IL1RAPL2: variants seen among roughly 807,000 people sequenced by gnomAD.
The protein encoded by IL1RAPL2 is X-linked interleukin-1 receptor accessory protein-like 2.
Under a neutral mutation model 44.1 loss-of-function variants are expected in IL1RAPL2, and 3 were observed. That is an observed-to-expected ratio of 0.07 (90% CI 0.03 to 0.18). The LOEUF (loss-of-function observed/expected upper bound fraction) is 0.18, where lower values mean the gene tolerates loss of function less well. Ranked by LOEUF, IL1RAPL2 falls within the 10% of genes least tolerant of loss-of-function variation. The pLI is 1.00. For synonymous variants in IL1RAPL2, 181 were observed against 178.8 expected (o/e 1.01, Z -0.10); for missense variants, 391 against 496.4 (o/e 0.79, Z 2.02).
chrX:105,291,211 A>G (rs1363433029), intron 5 of IL1RAPL2, among the ~76,000 whole-genome samples: 1 of 112,283 alleles, frequency 8.9e-6, no homozygotes, highest in Non-Finnish European at 1.9e-5. Flanking sequence ...AAAATATTAC[A>G]GGACAGATAT....
intron 8 of IL1RAPL2, among the ~76,000 whole-genome samples, chrX:105,748,247 GC>G (rs952469209): frequency 2.7e-5 from 3 of 112,086 alleles, no homozygotes; most frequent in Non-Finnish European, 5.6e-5. Flanking sequence ...TTCTAGGGAT[GC>G]CCCCCTGGAG....
At chrX:105,051,108 C>G (rs1472728459) in intron 2 of IL1RAPL2, among the ~76,000 whole-genome samples, 1 of 112,570 alleles carries the variant, frequency 8.9e-6, no homozygotes, top group African/African-American at 3.2e-5. Flanking sequence ...AGCCTTCAGG[C>G]CCTCCCTGGC....
intron 5 of IL1RAPL2, among the ~76,000 whole-genome samples, chrX:105,269,613 T>C (rs1257031063): frequency 9.0e-6 from 1 of 111,549 alleles, no homozygotes; most frequent in Non-Finnish European, 1.9e-5. Flanking sequence ...TAGTTTCTGA[T>C]TTCTTCAACA....
chrX:104,672,265 G>A (rs1363479111), intron 2 of IL1RAPL2, among the ~76,000 whole-genome samples: 1 of 109,695 alleles, frequency 9.1e-6, no homozygotes, highest in African/African-American at 3.3e-5. Flanking sequence ...ACCCATAACA[G>A]TCCCCAGAGT....
chrX:105,342,224 G>A (rs756762193), intron 5 of IL1RAPL2, among the ~76,000 whole-genome samples: 27 of 108,626 alleles, frequency 2.5e-4, no homozygotes, highest in African/African-American at 8.7e-4. Context: ...ATGAGTTAAT[G>A]GGTACAGCAC....
intron 2 of IL1RAPL2, among the ~76,000 whole-genome samples, chrX:104,842,391 C>G (rs1007167226): frequency 3.6e-5 from 4 of 110,936 alleles, no homozygotes; most frequent in Non-Finnish European, 7.5e-5. Context: ...CTACTTCTGT[C>G]AATTCGTCAA....
At chrX:105,318,493 C>G (rs894181830) in intron 5 of IL1RAPL2, among the ~76,000 whole-genome samples, 10 of 110,972 alleles carry the variant, frequency 9.0e-5, no homozygotes, top group Admixed American at 2.9e-4. Flanking sequence ...AGCTAGCTCT[C>G]AGAGAAAAAT....
At position 105,594,821 on chromosome X, in the gene IL1RAPL2, G is replaced by A. The variant is rs764925043; in HGVS notation, c.772+110434G>A. Among the ~76,000 whole-genome samples, 6 of 111,052 alleles carry A rather than the reference G, an allele frequency of 5.4e-5. 1 individual carries two copies. The highest frequency in any genetic ancestry group is 1.9e-4 in the Admixed American group (2 of 10,374). On this transcript the variant is annotated intron_variant, in intron 6 of 10. Transcript: ENST00000372582. ...GTATCACACATTTTCACTTATAAATGGGAACTAAGCATTGGGTACACATGG... is the reference window on the plus strand; with the variant it reads ...GTATCACACATTTTCACTTATAAATAGGAACTAAGCATTGGGTACACATGG...
chrX:104,977,456 C>T (rs1259543495), intron 2 of IL1RAPL2, among the ~76,000 whole-genome samples: 1 of 111,880 alleles, frequency 8.9e-6, no homozygotes, highest in Admixed American at 9.5e-5. Context: ...CTTTTGGTTG[C>T]CATCTCACCA....
chrX:105,110,852 G>A (rs778747125), intron 2 of IL1RAPL2, among the ~76,000 whole-genome samples: 21 of 111,247 alleles, frequency 1.9e-4, no homozygotes, highest in Non-Finnish European at 2.1e-4. Flanking sequence ...CAGGAGAACC[G>A]CTTGAACCCA....
At chrX:104,883,592 T>G (rs937063332) in intron 2 of IL1RAPL2, among the ~76,000 whole-genome samples, 4 of 111,539 alleles carry the variant, frequency 3.6e-5, no homozygotes, top group African/African-American at 1.3e-4. Flanking sequence ...CAGACAAACT[T>G]CCTCTTGCCT....
At chrX:105,177,088 A>G (rs904072365) in intron 2 of IL1RAPL2, among the ~76,000 whole-genome samples, 4 of 110,784 alleles carry the variant, frequency 3.6e-5, no homozygotes, top group Admixed American at 9.6e-5. Flanking sequence ...GCTAGGAACC[A>G]GGCCACACAG....
chrX:104,726,912 G>A (rs1176131152), intron 2 of IL1RAPL2, among the ~76,000 whole-genome samples: 1 of 108,492 alleles, frequency 9.2e-6, no homozygotes, highest in Non-Finnish European at 1.9e-5. Flanking sequence ...GTCTTTATAT[G>A]GATTTTCTAT....
chrX:105,748,702 C>T (rs1015748001), intron 8 of IL1RAPL2, among the ~76,000 whole-genome samples: 1 of 112,058 alleles, frequency 8.9e-6, no homozygotes, highest in African/African-American at 3.2e-5. Context: ...ATCTTAGATG[C>T]GTTCAAAACG....
At chrX:105,265,375 G>A (rs111352955) in intron 4 of IL1RAPL2, among the ~76,000 whole-genome samples, 1 of 112,001 alleles carries the variant, frequency 8.9e-6, no homozygotes, top group African/African-American at 3.2e-5. Context: ...ATTGTATGAC[G>A]GCAGTGGCAG....
intron 2 of IL1RAPL2, among the ~76,000 whole-genome samples, chrX:105,008,948 A>C (rs1704238970): frequency 1.8e-5 from 2 of 112,286 alleles, no homozygotes; most frequent in African/African-American, 6.5e-5. Flanking sequence ...GGATATTAGC[A>C]GACACTTCTC....
chrX:104,679,326 G>GGCCTTAAC (rs1215324847), intron 2 of IL1RAPL2, among the ~76,000 whole-genome samples: 2 of 111,172 alleles, frequency 1.8e-5, no homozygotes, highest in Admixed American at 1.9e-4. Flanking sequence ...CACCCTTAGG[G>GGCCTTAAC]GCCTTAACAA....
At chrX:105,550,945 A>G (rs1037139196) in intron 6 of IL1RAPL2, among the ~76,000 whole-genome samples, 1 of 111,694 alleles carries the variant, frequency 9.0e-6, no homozygotes, top group African/African-American at 3.3e-5. Context: ...CTCATACTAC[A>G]TTTCCATACA....
At chrX:104,851,534 C>T (rs923152330) in intron 2 of IL1RAPL2, among the ~76,000 whole-genome samples, 2 of 111,478 alleles carry the variant, frequency 1.8e-5, no homozygotes, top group Non-Finnish European at 3.8e-5. Flanking sequence ...GGGAGGGAGT[C>T]TGAGAATCTG....
Sources: allele counts gnomAD v4.1 joint callset (sites outside exome capture counted in the v4.1 genomes callset), GRCh38; gene constraint gnomAD v4.1.1; transcripts MANE v1.5; gene names NCBI Gene and HGNC (gene_info 2026-07-23, HGNC 2026-07-21).